Variants in ANKS1B observed in about 807,000 individuals in gnomAD.
The protein encoded by ANKS1B is ankyrin repeat and sterile alpha motif domain-containing protein 1B.
In ANKS1B, 36 loss-of-function variants were observed where a neutral mutation model predicts 148.3. The observed-to-expected ratio is 0.24, with a 90% CI of 0.19 to 0.32. The LOEUF (loss-of-function observed/expected upper bound fraction) is 0.32. Ranked by LOEUF, ANKS1B falls within the 10% of genes least tolerant of loss-of-function variation. ANKS1B has a pLI of 1.00. For synonymous variants in ANKS1B, 542 were observed against 560.8 expected, an observed-to-expected ratio of 0.97 and a Z score of 0.47; for missense variants, 1,157 against 1,542.6, an observed-to-expected ratio of 0.75 and a Z score of 4.19.
At chr12:99,570,342 A>T (rs887293222) in intron 9 of ANKS1B, among the ~76,000 whole-genome samples, 66 of 59,804 alleles carry the variant, frequency 1.1e-3, no homozygotes, top group African/African-American at 3.1e-3. Flanking sequence ...TACTCCAGAT[A>T]AAAAAAAAAA....
intron 17 of ANKS1B, among the ~76,000 whole-genome samples, chr12:98,860,934 A>G (rs1270260379): frequency 1.3e-5 from 2 of 152,230 alleles, no homozygotes; most frequent in African/African-American, 2.4e-5. Flanking sequence ...CCTGAAGCAA[A>G]AATTACTCTC....
At chr12:99,369,800 GGACA>G (rs750424949) in intron 12 of ANKS1B, among the ~76,000 whole-genome samples, 14 of 130,166 alleles carry the variant, frequency 1.1e-4, no homozygotes, top group African/African-American at 3.0e-4. Flanking sequence ...ATGGACGGAC[GGACA>G]GACGGACGGA....
intron 15 of ANKS1B, among the ~76,000 whole-genome samples, chr12:99,109,105 C>T (rs2059789429): frequency 1.3e-5 from 2 of 152,128 alleles, no homozygotes; most frequent in African/African-American, 4.8e-5. Context: ...AAGGTTGCTC[C>T]CTGGCTGGTC....
intron 10 of ANKS1B, among the ~76,000 whole-genome samples, chr12:99,477,878 T>C (rs117258994): frequency 0.019 from 2,934 of 152,224 alleles, 50 homozygotes; most frequent in Middle Eastern, 0.034. Context: ...CTCATAGAAA[T>C]AAAGGCACCT....
intron 15 of ANKS1B, among the ~76,000 whole-genome samples, chr12:99,092,307 T>TG (rs372081862): frequency 1.4e-3 from 214 of 152,148 alleles, no homozygotes; most frequent in African/African-American, 4.9e-3. Flanking sequence ...GGGGTGCGGC[T>TG]GGGGTTGGGG....
intron 1 of ANKS1B, among the ~76,000 whole-genome samples, chr12:99,939,004 C>G (rs748789631): frequency 6.6e-6 from 1 of 152,154 alleles, no homozygotes; most frequent in Non-Finnish European, 1.5e-5. Context: ...GATATAATAA[C>G]CACCTTTTCT....
chr12:99,663,921 A>G (rs1379387938), intron 8 of ANKS1B, among the ~76,000 whole-genome samples: 1 of 152,186 alleles, frequency 6.6e-6, no homozygotes, highest in Non-Finnish European at 1.5e-5. Context: ...GCATAACATC[A>G]GGAAACTTCA....
At chr12:98,893,801 A>G (rs1002397586) in intron 17 of ANKS1B, 1 of 152,276 alleles carries the variant, frequency 6.6e-6, no homozygotes, top group Non-Finnish European at 1.5e-5. Context: ...CCAGTCTCTG[A>G]AAACGCGAAA....
chr12:99,230,442 G>T (rs2086653339), intron 14 of ANKS1B, among the ~76,000 whole-genome samples: 1 of 152,114 alleles, frequency 6.6e-6, no homozygotes, highest in East Asian at 1.9e-4. Context: ...CCTTCTGGAG[G>T]GTTAGATATT....
intron 1 of ANKS1B, among the ~76,000 whole-genome samples, chr12:99,881,564 G>A (rs35969439): frequency 6.6e-6 from 1 of 152,152 alleles, no homozygotes. Context: ...GCGGAGAAAG[G>A]GTTGGGATAT....
chr12:99,379,004 G>A (rs907378170), intron 12 of ANKS1B, among the ~76,000 whole-genome samples: 6 of 152,078 alleles, frequency 3.9e-5, no homozygotes, highest in East Asian at 1.9e-4. Context: ...TAACCTATGC[G>A]TCTGGCCTTT....
intron 1 of ANKS1B, among the ~76,000 whole-genome samples, chr12:99,839,165 T>C (rs1303916223): frequency 2.0e-5 from 3 of 152,136 alleles, no homozygotes; most frequent in Non-Finnish European, 4.4e-5. Flanking sequence ...CACTTGAGCG[T>C]AGGAGTTTCA....
chr12:99,774,334 A>G (rs960043146), intron 7 of ANKS1B, among the ~76,000 whole-genome samples: 1 of 152,088 alleles, frequency 6.6e-6, no homozygotes, highest in Non-Finnish European at 1.5e-5. Flanking sequence ...ACTCGAATAG[A>G]CATTTCTTCA....
At position 99,535,651 on chromosome 12, in the gene ANKS1B, A is replaced by G. The variant is rs183349653; in HGVS notation, c.1273-31010T>C. On this transcript the variant is annotated intron_variant, in intron 9 of 26. Transcript: ENST00000683438. ...TACTTTGAGCTCATCTGCTTGTTAG[A>G]TCAGCTTAACACTGAATTTGAACAT... is the stretch of plus-strand genomic sequence containing the variant. Among the ~76,000 whole-genome samples, 163 of 152,148 alleles carry G rather than the reference A, an allele frequency of 1.1e-3. 1 individual carries two copies. The highest frequency in any genetic ancestry group is 3.3e-3 in the African/African-American group (136 of 41,502).
downstream of ANKS1B, among the ~76,000 whole-genome samples, chr12:98,743,471 A>G (rs899983185): frequency 1.8e-4 from 28 of 152,122 alleles, no homozygotes; most frequent in African/African-American, 6.5e-4. Flanking sequence ...GAAGTTATCA[A>G]TGTATCAATT....
At chr12:99,836,889 G>A (rs1226776474) in intron 1 of ANKS1B, among the ~76,000 whole-genome samples, 1 of 152,004 alleles carries the variant, frequency 6.6e-6, no homozygotes, top group Non-Finnish European at 1.5e-5. Flanking sequence ...TCTCTTCATA[G>A]GTAACAATAA....
chr12:99,327,538 A>G (rs559444813), intron 12 of ANKS1B, among the ~76,000 whole-genome samples: 1 of 145,584 alleles, frequency 6.9e-6, no homozygotes, highest in South Asian at 2.1e-4. Flanking sequence ...ATGTTCATAC[A>G]ATGTTGAAAT....
At chr12:99,739,341 T>G (rs1434891088) in intron 8 of ANKS1B, among the ~76,000 whole-genome samples, 22 of 121,114 alleles carry the variant, frequency 1.8e-4, no homozygotes, top group South Asian at 3.2e-4. Flanking sequence ...AGGGTTTTTT[T>G]TGGGGGGGGC....
intron 24 of ANKS1B, among the ~76,000 whole-genome samples, chr12:98,778,950 A>G (rs115426979): frequency 2.0e-5 from 3 of 152,262 alleles, no homozygotes; most frequent in African/African-American, 7.2e-5. Flanking sequence ...TGGACCCTGT[A>G]TAGCCAGTTG....
Sources: gnomAD v4.1 joint callset for allele counts (sites outside exome capture counted in the v4.1 genomes callset) on GRCh38, gnomAD v4.1.1 for gene constraint, MANE v1.5 for transcripts, NCBI Gene and HGNC (gene_info 2026-07-23, HGNC 2026-07-21) for gene names.